The following MACROD2 variants were observed in gnomAD, a reference collection of about 807,000 sequenced individuals.
MACROD2 encodes the protein mono-ADP ribosylhydrolase 2.
Under a neutral mutation model 70.4 loss-of-function variants are expected in MACROD2, and 36 were observed. That is an observed-to-expected ratio of 0.51 (90% CI 0.39 to 0.68). The LOEUF (loss-of-function observed/expected upper bound fraction) is 0.68, where lower values mean the gene tolerates loss of function less well. MACROD2 is among the 30% of genes least tolerant of loss of function. MACROD2 has a pLI of 0.00. For synonymous variants in MACROD2, 172 were observed against 178.8 expected (o/e 0.96, Z 0.30); for missense variants, 496 against 538.4 (o/e 0.92, Z 0.78).
At chr20:15,384,310 T>C (rs1330041773) in intron 6 of MACROD2, among the ~76,000 whole-genome samples, 2 of 152,112 alleles carry the variant, frequency 1.3e-5, no homozygotes, top group Non-Finnish European at 2.9e-5. Flanking sequence ...CAAGCTTGAG[T>C]GCAGTGGTGC....
At chr20:14,479,233 A>G (rs1411883705) in intron 3 of MACROD2, among the ~76,000 whole-genome samples, 1 of 152,098 alleles carries the variant, frequency 6.6e-6, no homozygotes, top group African/African-American at 2.4e-5. Flanking sequence ...CCCAGCCATC[A>G]GTGTCCCTTG....
chr20:15,995,892 A>AC lies in MACROD2; in HGVS notation c.1153+8734_1153+8735insC, dbSNP rs1568694983. Among the ~76,000 whole-genome samples the AC allele has an allele frequency of 5.3e-5, 8 of 150,456 alleles. 1 individual carries two copies. The South Asian group carries it at 1.7e-3, about 32-fold the overall frequency. ...GTGTGTGTGTGTATGTGTGTGTCAC[A>AC]TTTTTCTCTATTTATGCATCTATGG... On this transcript the variant is annotated intron_variant, in intron 15 of 17. Transcript: ENST00000684519.
intron 5 of MACROD2, among the ~76,000 whole-genome samples, chr20:14,970,502 C>G (rs1280060994): frequency 2.0e-5 from 3 of 152,034 alleles, no homozygotes; most frequent in Admixed American, 6.6e-5. Flanking sequence ...CCATTTTTTC[C>G]TCCAGTGTTG....
At chr20:15,375,514 G>A (rs762378714) in intron 6 of MACROD2, among the ~76,000 whole-genome samples, 18 of 152,132 alleles carry the variant, frequency 1.2e-4, no homozygotes, top group Non-Finnish European at 1.9e-4. Context: ...TTCACCCATT[G>A]CAGAAGCAGA....
intron 8 of MACROD2, among the ~76,000 whole-genome samples, chr20:15,786,015 G>A (rs992767435): frequency 3.3e-5 from 5 of 151,932 alleles, no homozygotes; most frequent in Admixed American, 1.3e-4. Flanking sequence ...ACAAGCGATC[G>A]AAGAATAGAT....
At chr20:14,077,907 T>C (rs1408363356) in intron 2 of MACROD2, among the ~76,000 whole-genome samples, 1 of 150,790 alleles carries the variant, frequency 6.6e-6, no homozygotes, top group Non-Finnish European at 1.5e-5. Context: ...TTTTTTTTTT[T>C]TTTTTCTTTT....
chr20:15,499,936 A>G (rs2146491652), intron 8 of MACROD2, 89 bp downstream of exon 8: 1 of 1,245,896 alleles, frequency 8.0e-7, no homozygotes, highest in Middle Eastern at 1.9e-4. Flanking sequence ...TTTTATAAAT[A>G]TCAACTACAC....
chr20:16,026,314 T>C (rs1022334603), intron 15 of MACROD2, among the ~76,000 whole-genome samples: 1 of 152,218 alleles, frequency 6.6e-6, no homozygotes, highest in African/African-American at 2.4e-5. Context: ...ACCATTTTAC[T>C]GTATTCACTG....
chr20:14,489,943 C>G (rs555733549), intron 3 of MACROD2, among the ~76,000 whole-genome samples: 48 of 151,774 alleles, frequency 3.2e-4, no homozygotes, highest in Middle Eastern at 6.8e-3. Context: ...TCACTGCCAC[C>G]TCTGCCTCCC....
chr20:15,446,712 C>T (rs1017162629), intron 7 of MACROD2, among the ~76,000 whole-genome samples: 3 of 152,192 alleles, frequency 2.0e-5, no homozygotes, highest in Non-Finnish European at 4.4e-5. Context: ...CTTAGCAAGC[C>T]GGAAAGATCT....
At chr20:15,527,107 T>C in intron 8 of MACROD2, among the ~76,000 whole-genome samples, 1 of 152,128 alleles carries the variant, frequency 6.6e-6, no homozygotes, top group Non-Finnish European at 1.5e-5. Context: ...TTGTCTGAGC[T>C]CAGAGCATCA....
chr20:14,928,090 A>G (rs1201737993), intron 5 of MACROD2, among the ~76,000 whole-genome samples: 2 of 152,228 alleles, frequency 1.3e-5, no homozygotes, highest in African/African-American at 2.4e-5. Context: ...AAGCAGAAAC[A>G]TGGACGCCAT....
intron 5 of MACROD2, among the ~76,000 whole-genome samples, chr20:15,149,836 G>A (rs938046825): frequency 1.3e-5 from 2 of 152,022 alleles, no homozygotes; most frequent in African/African-American, 4.8e-5. Context: ...TAATGAAAAG[G>A]GTTGGGATGA....
At chr20:14,574,291 C>G (rs556790348) in intron 4 of MACROD2, among the ~76,000 whole-genome samples, 2 of 152,190 alleles carry the variant, frequency 1.3e-5, no homozygotes, top group Admixed American at 6.5e-5. Flanking sequence ...CTTGAATTGA[C>G]TCATTCAGAG....
chr20:15,745,776 T>C (rs2051174129), intron 8 of MACROD2, among the ~76,000 whole-genome samples: 1 of 152,068 alleles, frequency 6.6e-6, no homozygotes, highest in Non-Finnish European at 1.5e-5. Flanking sequence ...TACATAGCTA[T>C]TCCGTTTTTT....
At chr20:15,233,418 C>T (rs1375629605) in intron 6 of MACROD2, among the ~76,000 whole-genome samples, 1 of 152,028 alleles carries the variant, frequency 6.6e-6, no homozygotes, top group Non-Finnish European at 1.5e-5. Flanking sequence ...AAATAAATTT[C>T]ACCTACCTCT....
chr20:14,974,040 A>G (rs2074715880), intron 5 of MACROD2, among the ~76,000 whole-genome samples: 2 of 152,200 alleles, frequency 1.3e-5, no homozygotes, highest in South Asian at 2.1e-4. Flanking sequence ...TGGACCTGGA[A>G]GAGTTTGGAA....
At chr20:15,483,529 G>C (rs763742175) in intron 7 of MACROD2, among the ~76,000 whole-genome samples, 1 of 151,918 alleles carries the variant, frequency 6.6e-6, no homozygotes, top group African/African-American at 2.4e-5. Flanking sequence ...GGCTATTCTG[G>C]GGCTTTTATC....
Position 15,812,785 on chromosome 20 carries a change from G to T in MACROD2, c.646-49960G>T, listed in dbSNP as rs375442061. The stretch of plus-strand genomic sequence containing the variant: ...AGTTGTTTGCTTTTGTCTCTTCAAC[G>T]TTAGAAGGACAAATGGTGCCTTGAT... On this transcript the variant is annotated intron_variant, in intron 8 of 17. Transcript: ENST00000684519. Among the ~76,000 whole-genome samples, 8 of 152,096 alleles carry T rather than the reference G, an allele frequency of 5.3e-5. No homozygotes were observed. The East Asian group carries it at 1.5e-3, about 29-fold the overall frequency.
Sources: gnomAD v4.1 joint callset for allele counts (sites outside exome capture counted in the v4.1 genomes callset) on GRCh38, gnomAD v4.1.1 for gene constraint, MANE v1.5 for transcripts, NCBI Gene and HGNC (gene_info 2026-07-23, HGNC 2026-07-21) for gene names.